Variants in FAM234A observed in about 807,000 individuals in gnomAD.
FAM234A encodes the protein family with sequence similarity 234 member A.
FAM234A carries 42 observed loss-of-function variants against 49.1 expected under a neutral mutation model. That is an observed-to-expected ratio of 0.86 (90% CI 0.67 to 1.11). The LOEUF is 1.11. Among genes scored for constraint, FAM234A ranks in the 50% least tolerant of loss-of-function variants. The pLI is 0.00. For synonymous variants in FAM234A, 369 were observed against 316.2 expected (o/e 1.17, Z -1.77); for missense variants, 815 against 745.2 (o/e 1.09, Z -1.09).
Position 265,037 on chromosome 16 carries a change from G to C in FAM234A, c.*15G>C. The C allele has an allele frequency of 6.3e-7, 1 of 1,583,372 alleles. No homozygotes were observed. Among genetic ancestry groups the C allele is most frequent in the Non-Finnish European group, 8.6e-7 (1 of 1,161,688 alleles). On this transcript the variant is annotated 3_prime_UTR_variant, in exon 13 of 13. Coordinates refer to ENST00000399932, the MANE Select transcript of FAM234A (RefSeq NM_032039.4). ...GTGAGGCGTAGAGGCACGCCAGCCA[G>C]AGCCTGTGGAGAGACTCCGCCTGCT...
downstream of FAM234A, among the ~76,000 whole-genome samples, chr16:267,071 C>T (rs187622891): frequency 2.0e-5 from 3 of 152,268 alleles, no homozygotes; most frequent in Admixed American, 2.0e-4. Context: ...CCTGCAGGAA[C>T]AGCCTGCACC....
Position 257,435 on chromosome 16 carries a change from G to A in FAM234A, c.269-2048G>A, listed in dbSNP as rs182650516. Among the ~76,000 whole-genome samples the A allele has an allele frequency of 1.6e-3, 240 of 151,326 alleles. 1 individual carries two copies. Among genetic ancestry groups the A allele is most frequent in the African/African-American group, 5.6e-3 (232 of 41,238 alleles). ...TAATGTATGTATTTTTAGTAGAGAC[G>A]GGGTTTCACCATATTGGCCAGGCTG... On this transcript the variant is annotated intron_variant, in intron 3 of 12. Transcript: ENST00000399932.
chr16:264,636 GCCTGTACATGTTCCACCCCAC>G lies in FAM234A; in HGVS notation c.1372_1392del (p.Tyr458_Leu464del). The G allele has an allele frequency of 6.2e-7, 1 of 1,611,276 alleles. No homozygotes were observed. Among genetic ancestry groups the G allele is most frequent in the Non-Finnish European group, 8.5e-7 (1 of 1,179,756 alleles). ...CAGGAGACCGGGGAGGCCCGGCACA[GCCTGTACATGTTCCACCCCAC>G]CCTGCCGCGCGTGCTGCTGGAGCTG... On this transcript the variant is annotated inframe_deletion, in exon 12 of 13. Coordinates refer to ENST00000399932, the MANE Select transcript of FAM234A (RefSeq NM_032039.4).
intron 10 of FAM234A, 93 bp from the exon 11 acceptor site, chr16:263,923 C>A: frequency 6.8e-7 from 1 of 1,460,456 alleles, no homozygotes; most frequent in South Asian, 1.2e-5. Context: ...GCCTCCAGGG[C>A]TGGCATGGCT....
intron 5 of FAM234A, chr16:260,647 CG>C (rs1567223214): frequency 2.1e-6 from 1 of 472,512 alleles, no homozygotes; most frequent in Non-Finnish European, 4.4e-6. Context: ...GCGTGGTGCA[CG>C]GGGCCATGTG....
chr16:244,054 C>CG (rs2050709429), intron 1 of FAM234A, among the ~76,000 whole-genome samples: 1 of 151,944 alleles, frequency 6.6e-6, no homozygotes, highest in African/African-American at 2.4e-5. Flanking sequence ...CTGCAACCTC[C>CG]GCCTCCCAGG....
chr16:253,576 G>T (rs1056762375), intron 2 of FAM234A, among the ~76,000 whole-genome samples: 1 of 151,756 alleles, frequency 6.6e-6, no homozygotes, highest in African/African-American at 2.4e-5. Context: ...CCGGGTTCAC[G>T]CCATTCTCCA....
intron 1 of FAM234A, among the ~76,000 whole-genome samples, 172 bp from the exon 2 acceptor site, chr16:249,377 A>C (rs2050918745): frequency 6.6e-6 from 1 of 151,986 alleles, no homozygotes; most frequent in Non-Finnish European, 1.5e-5. Flanking sequence ...CCCACACCCA[A>C]AGTGGCCAAC....
At chr16:268,617 A>G (rs2051777440), downstream of FAM234A, 1 of 676,026 alleles carries the variant, frequency 1.5e-6, no homozygotes, top group African/African-American at 1.8e-5. Context: ...TTGTCTATAA[A>G]TCGGGGGGGA....
chr16:247,951 G>C (rs1179988453), intron 1 of FAM234A, among the ~76,000 whole-genome samples: 1 of 152,096 alleles, frequency 6.6e-6, no homozygotes, highest in Non-Finnish European at 1.5e-5. Flanking sequence ...GGGCCTGACT[G>C]TCTGGGAACC....
chr16:236,603 C>A (rs930980007), intron 1 of FAM234A, among the ~76,000 whole-genome samples: 1 of 145,800 alleles, frequency 6.9e-6, no homozygotes, highest in East Asian at 2.1e-4. Flanking sequence ...GGAGACATAG[C>A]GAGACTGTCT....
intron 2 of FAM234A, among the ~76,000 whole-genome samples, chr16:252,525 G>T (rs1232222430): frequency 6.6e-6 from 1 of 152,094 alleles, no homozygotes; most frequent in Non-Finnish European, 1.5e-5. Flanking sequence ...CCTAGGACTG[G>T]ACTTGCTGGA....
At chr16:244,890 C>T (rs1056110634) in intron 1 of FAM234A, among the ~76,000 whole-genome samples, 1 of 151,024 alleles carries the variant, frequency 6.6e-6, no homozygotes, top group Non-Finnish European at 1.5e-5. Flanking sequence ...TGGGGTTTCT[C>T]CATGTTGGTC....
chr16:249,726 C>T (rs1243284149), intron 2 of FAM234A, 72 bp downstream of exon 2: 1 of 152,102 alleles, frequency 6.6e-6, no homozygotes, highest in African/African-American at 2.4e-5. Context: ...CGGTTGATGC[C>T]CCTCCTTGAG....
chr16:267,340 G>C (rs1472479552), downstream of FAM234A, among the ~76,000 whole-genome samples: 1 of 152,058 alleles, frequency 6.6e-6, no homozygotes, highest in African/African-American at 2.4e-5. Context: ...GATGCCCCAA[G>C]TCTGCTGCCT....
At chr16:259,261 T>C (rs2141325195) in intron 3 of FAM234A, among the ~76,000 whole-genome samples, 2 of 152,258 alleles carry the variant, frequency 1.3e-5, no homozygotes, top group South Asian at 4.1e-4. Flanking sequence ...TGCCCAGATG[T>C]CCTGCTTGTT....
In FAM234A at chr16:264,818, G is replaced by A. The variant is rs1270285833; in HGVS notation, c.1455G>A (p.Leu485=). The A allele has an allele frequency of 1.2e-6, 2 of 1,609,852 alleles. No homozygotes were observed. Among genetic ancestry groups the A allele is most frequent in the South Asian group, 2.2e-5 (2 of 90,976 alleles). Reference sequence around the variant, plus strand: ...GTGTCCCCCACCCTGCAGCCGTCCTGTTTGAGCCAAGCCGCCACGCCGCCT... The same window carrying A: ...GTGTCCCCCACCCTGCAGCCGTCCTATTTGAGCCAAGCCGCCACGCCGCCT... ...STHIVAFDAV[L]FEPSRHAAYI... is the part of the protein sequence containing the mutation. Residue 485 remains leucine, a synonymous_variant, in exon 13 of 13, where the codon CTG becomes CTA. Coordinates refer to ENST00000399932, the MANE Select transcript of FAM234A (RefSeq NM_032039.4).
At chr16:238,595 T>C (rs2050486229) in intron 1 of FAM234A, among the ~76,000 whole-genome samples, 1 of 150,600 alleles carries the variant, frequency 6.6e-6, no homozygotes, top group African/African-American at 2.4e-5. Flanking sequence ...TGAAATCCCG[T>C]CTCTACTAAA....
Position 265,407 on chromosome 16 carries a change from C to G in FAM234A, c.*385C>G. The G allele has an allele frequency of 9.8e-7, 1 of 1,022,136 alleles. No homozygotes were observed. Among genetic ancestry groups the G allele is most frequent in the Non-Finnish European group, 1.2e-6 (1 of 854,328 alleles). The allele number at this position is 1,022,136 out of a possible 1,614,324, so 63.3% of individuals were successfully genotyped here. On this transcript the variant is annotated 3_prime_UTR_variant, in exon 13 of 13. Transcript: ENST00000399932. ...CCAGCTTCTCCCCAGGCCAGAGCGG[C>G]CATCGCGTAGAAAGAACCAGGGTGT...
Sources: gnomAD v4.1 joint callset for allele counts (sites outside exome capture counted in the v4.1 genomes callset) on GRCh38, gnomAD v4.1.1 for gene constraint, MANE v1.5 for transcripts, NCBI Gene and HGNC (gene_info 2026-07-23, HGNC 2026-07-21) for gene names.